The following FGD5 variants were observed in gnomAD, a reference collection of about 807,000 sequenced individuals.
The protein encoded by FGD5 is FYVE, RhoGEF and PH domain-containing protein 5.
Under a neutral mutation model 133.4 loss-of-function variants are expected in FGD5, and 28 were observed. That is an observed-to-expected ratio of 0.21 (90% CI 0.16 to 0.29). The LOEUF (loss-of-function observed/expected upper bound fraction) is 0.29. Ranked by LOEUF, FGD5 falls within the 10% of genes least tolerant of loss-of-function variation. FGD5 has a pLI of 1.00. For synonymous variants in FGD5, 810 were observed against 776.5 expected (o/e 1.04, Z -0.72); for missense variants, 1,858 against 1,895.2 (o/e 0.98, Z 0.36).
intron 4 of FGD5, among the ~76,000 whole-genome samples, chr3:14,888,331 T>A (rs1003997798): frequency 6.6e-6 from 1 of 152,126 alleles, no homozygotes; most frequent in Non-Finnish European, 1.5e-5. Context: ...CTGCTCTCTC[T>A]TAGTTAGAGG....
chr3:14,931,397 C>T (rs1005505543), intron 18 of FGD5: 2 of 152,042 alleles, frequency 1.3e-5, no homozygotes. Context: ...CTATGTTGTC[C>T]AGGCTGGACT....
At chr3:14,845,947 G>A (rs1291254688) in intron 1 of FGD5, among the ~76,000 whole-genome samples, 1 of 152,166 alleles carries the variant, frequency 6.6e-6, no homozygotes, top group Admixed American at 6.5e-5. Context: ...GTGGAGTGAG[G>A]TATGTGCTGC....
chr3:14,913,998 G>T (rs2038501525), intron 11 of FGD5, among the ~76,000 whole-genome samples: 1 of 152,106 alleles, frequency 6.6e-6, no homozygotes, highest in South Asian at 2.1e-4. Flanking sequence ...TCAGGGATAG[G>T]CCTGCATCCC....
chr3:14,931,571 G>A (rs947769254), intron 18 of FGD5: 1 of 152,026 alleles, frequency 6.6e-6, no homozygotes, highest in Non-Finnish European at 1.5e-5. Context: ...ATCTCTTTAT[G>A]TGTTTTTACA....
chr3:14,866,292 T>C (rs1273264364), intron 2 of FGD5, among the ~76,000 whole-genome samples: 1 of 152,016 alleles, frequency 6.6e-6, no homozygotes, highest in Non-Finnish European at 1.5e-5. Context: ...GGCCATACAA[T>C]AGGGGTGTAG....
At chr3:14,851,986 A>C (rs899835433) in intron 1 of FGD5, among the ~76,000 whole-genome samples, 2 of 152,090 alleles carry the variant, frequency 1.3e-5, no homozygotes, top group Non-Finnish European at 2.9e-5. Flanking sequence ...TAGAACCCTC[A>C]TACACTCCTG....
chr3:14,832,872 G>A (rs1348921377), intron 1 of FGD5, among the ~76,000 whole-genome samples: 1 of 152,106 alleles, frequency 6.6e-6, no homozygotes, highest in Non-Finnish European at 1.5e-5. Flanking sequence ...ATGAAAAACT[G>A]TAGAGAAAAA....
chr3:14,813,184 GA>G (rs921369358), intron 1 of FGD5, among the ~76,000 whole-genome samples: 6 of 151,330 alleles, frequency 4.0e-5, no homozygotes, highest in African/African-American at 9.7e-5. Flanking sequence ...ACGGCCCTAT[GA>G]AAAAAAAGGG....
At chr3:14,923,927 A>G (rs1218488353) in intron 16 of FGD5, 81 bp from the exon 17 acceptor site, 1 of 1,549,132 alleles carries the variant, frequency 6.5e-7, no homozygotes, top group African/African-American at 1.4e-5. Flanking sequence ...TCCTAGAGGG[A>G]TTTTACAGGA....
chr3:14,866,336 A>G (rs1321864446), intron 2 of FGD5, among the ~76,000 whole-genome samples: 2 of 151,662 alleles, frequency 1.3e-5, no homozygotes, highest in Non-Finnish European at 2.9e-5. Context: ...CTTGAGACAG[A>G]GGGGGAGTAT....
chr3:14,892,898 C>T (rs1416580083), intron 4 of FGD5, among the ~76,000 whole-genome samples: 1 of 152,160 alleles, frequency 6.6e-6, no homozygotes, highest in Non-Finnish European at 1.5e-5. Context: ...GTCCAGCTCC[C>T]CATCAGGGAG....
At chr3:14,901,134 T>C in intron 9 of FGD5, 73 bp downstream of exon 9, 1 of 1,501,094 alleles carries the variant, frequency 6.7e-7, no homozygotes, top group South Asian at 1.1e-5. Flanking sequence ...CGGTCAGCCT[T>C]CTGATGCCCC....
At chr3:14,821,752 C>T (rs767389080) in intron 1 of FGD5, 156 bp downstream of exon 1, 38 of 1,064,516 alleles carry the variant, frequency 3.6e-5, no homozygotes, top group Non-Finnish European at 4.2e-5. Flanking sequence ...CTCTGAGCCT[C>T]GGTTACTTCA....
chr3:14,861,109 A>G (rs565395598), intron 1 of FGD5, among the ~76,000 whole-genome samples: 2 of 152,350 alleles, frequency 1.3e-5, no homozygotes, highest in East Asian at 1.9e-4. Flanking sequence ...TAAAGAAAAC[A>G]TGAGGCAAAT....
intron 19 of FGD5, 64 bp from the exon 20 acceptor site, chr3:14,933,067 G>A: frequency 2.5e-6 from 4 of 1,571,018 alleles, no homozygotes; most frequent in African/African-American, 1.3e-5. Context: ...TCTTTTCTAG[G>A]TTCTGTGACC....
At chr3:14,885,047 G>C (rs1022981767) in intron 4 of FGD5, among the ~76,000 whole-genome samples, 1 of 151,392 alleles carries the variant, frequency 6.6e-6, no homozygotes, top group Admixed American at 6.6e-5. Context: ...AAATACAGAG[G>C]GCTGTGTAAA....
chr3:14,911,154 G>A (rs765720286), intron 11 of FGD5, among the ~76,000 whole-genome samples: 30 of 152,172 alleles, frequency 2.0e-4, no homozygotes, highest in Non-Finnish European at 4.1e-4. Context: ...GCAAGATGTA[G>A]TTACCCACAT....
rs1553625404 is a variant in FGD5, at chr3:14,854,432, T to TTGATTGATTG, written c.2526-9696_2526-9695insTGATTGATTG. Among the ~76,000 whole-genome samples, 937 of 143,454 alleles carry TTGATTGATTG rather than the reference T, an allele frequency of 6.5e-3. 9 individuals carry two copies. Among genetic ancestry groups the TTGATTGATTG allele is most frequent in the South Asian group, 7.1e-3 (32 of 4,488 alleles). 94.1% of individuals were successfully genotyped at this position (143,454 alleles called of 152,430 possible). On this transcript the variant is annotated intron_variant, in intron 1 of 19. Transcript: ENST00000285046. ...TTATTTATTTATTTATTTATTTATT[T>TTGATTGATTG]ATTGAGACGAGCTCACTCTGTCGCC...
intron 13 of FGD5, among the ~76,000 whole-genome samples, chr3:14,919,788 A>G (rs536121660): frequency 4.3e-4 from 65 of 152,158 alleles, no homozygotes; most frequent in Middle Eastern, 3.4e-3. Flanking sequence ...CACATAGACA[A>G]TGCCACCTCA....
Sources: allele counts gnomAD v4.1 joint callset (sites outside exome capture counted in the v4.1 genomes callset), GRCh38; gene constraint gnomAD v4.1.1; transcripts MANE v1.5; gene names NCBI Gene and HGNC (gene_info 2026-07-23, HGNC 2026-07-21).